FBXO22: variants seen among roughly 807,000 people sequenced by gnomAD.
FBXO22 encodes F-box protein 22, also known as F-box only protein 22.
FBXO22 carries 13 observed loss-of-function variants against 37.2 expected under a neutral mutation model. The ratio of observed to expected loss-of-function variants is 0.35; its 90% CI spans 0.23 to 0.56. FBXO22 has a LOEUF of 0.56. FBXO22 is among the 20% of genes least tolerant of loss of function. FBXO22 has a pLI of 0.87. For synonymous variants in FBXO22, 189 were observed against 189.1 expected (o/e 1.00, Z 0.00); for missense variants, 446 against 509.9 (o/e 0.87, Z 1.21).
chr15:75,931,994 G>A (rs1489851430), intron 6 of FBXO22, among the ~76,000 whole-genome samples: 1 of 152,168 alleles, frequency 6.6e-6, no homozygotes, highest in African/African-American at 2.4e-5. Flanking sequence ...CAGGAGGATT[G>A]CTTGAGCCCA....
intron 5 of FBXO22, among the ~76,000 whole-genome samples, chr15:75,928,903 C>T (rs971967327): frequency 6.6e-6 from 1 of 152,150 alleles, no homozygotes. Context: ...TTGCAAGGAA[C>T]TTTCAAAGGC....
At chr15:75,926,438 A>G (rs1002011791) in intron 5 of FBXO22, among the ~76,000 whole-genome samples, 1 of 152,244 alleles carries the variant, frequency 6.6e-6, no homozygotes, top group African/African-American at 2.4e-5. Flanking sequence ...GCCTTGGCTA[A>G]GGTGGGTTTG....
chr15:75,941,245 C>T lies in FBXO22; in HGVS notation c.*8143C>T, dbSNP rs565827672. The T allele has an allele frequency of 2.6e-5, 4 of 151,970 alleles. No homozygotes were observed. Among genetic ancestry groups the T allele is most frequent in the African/African-American group, 7.3e-5 (3 of 41,358 alleles). 9.4% of individuals were successfully genotyped at this position (151,970 alleles called of 1,614,324 possible). A position where few individuals can be genotyped will look rare whatever the true frequency, so the allele number is the denominator to read the frequency against. On this transcript the variant is annotated 3_prime_UTR_variant, in exon 7 of 7. Transcript: ENST00000308275. ...ACCACATTGAGATACCACTTCATAC[C>T]CACTGGGATAGCTCTTATTAAAATT...
intron 5 of FBXO22, among the ~76,000 whole-genome samples, chr15:75,923,461 G>A (rs1284244713): frequency 6.6e-6 from 1 of 152,124 alleles, no homozygotes; most frequent in Non-Finnish European, 1.5e-5. Flanking sequence ...TTGCTATCTT[G>A]TGTCCTAATT....
intron 5 of FBXO22, among the ~76,000 whole-genome samples, chr15:75,927,803 C>T (rs985574323): frequency 3.9e-5 from 6 of 152,160 alleles, no homozygotes; most frequent in South Asian, 2.1e-4. Context: ...TGGTCATTCA[C>T]GCATCTGCAT....
intron 2 of FBXO22, among the ~76,000 whole-genome samples, chr15:75,909,768 G>T (rs1900010350): frequency 9.9e-6 from 1 of 100,980 alleles, no homozygotes; most frequent in Non-Finnish European, 1.9e-5. Flanking sequence ...TTTGGATGGG[G>T]TGATACTTTT....
At position 75,933,287 on chromosome 15, in the gene FBXO22, T is replaced by TAACA. The variant is rs2030132004; in HGVS notation, c.*186_*189dup. The TAACA allele has an allele frequency of 3.5e-6, 2 of 565,082 alleles. No homozygotes were observed. The highest frequency in any genetic ancestry group is 6.1e-6 in the Non-Finnish European group (2 of 325,874). 35.0% of individuals were successfully genotyped at this position (565,082 alleles called of 1,614,324 possible). On this transcript the variant is annotated 3_prime_UTR_variant, in exon 7 of 7. Transcript: ENST00000308275. ...ATTAGATGAAGGACAACTTTGGACATAACACTGACTAGGAGTTGAGAGCTT... is the reference window on the plus strand; with the variant it reads ...ATTAGATGAAGGACAACTTTGGACATAACAAACACTGACTAGGAGTTGAGAGCTT...
intron 2 of FBXO22, 124 bp downstream of exon 2, chr15:75,904,753 G>T: frequency 1.0e-6 from 1 of 986,430 alleles, no homozygotes; most frequent in Non-Finnish European, 1.4e-6. Context: ...AAAAGATTTT[G>T]TAAACATCAG....
intron 5 of FBXO22, among the ~76,000 whole-genome samples, chr15:75,926,648 C>T (rs1419302723): frequency 2.0e-5 from 3 of 152,162 alleles, no homozygotes; most frequent in East Asian, 3.9e-4. Context: ...AGGTTGAGGG[C>T]GTATCCGGGA....
chr15:75,921,874 G>A (rs1194447931), intron 5 of FBXO22, among the ~76,000 whole-genome samples: 3 of 151,508 alleles, frequency 2.0e-5, no homozygotes, highest in African/African-American at 4.9e-5. Flanking sequence ...TCCACATCTC[G>A]TCCCACTGCA....
chr15:75,925,750 T>C (rs971499731), intron 5 of FBXO22, among the ~76,000 whole-genome samples: 5 of 151,050 alleles, frequency 3.3e-5, no homozygotes, highest in African/African-American at 9.7e-5. Flanking sequence ...ACCACTGTGA[T>C]GGGGTTTTGC....
chr15:75,930,763 C>G, intron 6 of FBXO22: 4 of 985,432 alleles, frequency 4.1e-6, no homozygotes, highest in Non-Finnish European at 3.6e-6. Context: ...GCAGGAAAAT[C>G]AGACCCTACC....
chr15:75,919,374 C>T (rs1305787978), intron 5 of FBXO22, among the ~76,000 whole-genome samples: 1 of 152,116 alleles, frequency 6.6e-6, no homozygotes, highest in Non-Finnish European at 1.5e-5. Context: ...AGACTTAGCC[C>T]TTCCACAATG....
intron 2 of FBXO22, among the ~76,000 whole-genome samples, chr15:75,912,459 T>G (rs989444393): frequency 5.3e-5 from 8 of 152,182 alleles, no homozygotes; most frequent in African/African-American, 1.9e-4. Context: ...TTGTTATTGG[T>G]CTATTCAGGG....
At chr15:75,908,223 C>A (rs1376079372) in intron 2 of FBXO22, among the ~76,000 whole-genome samples, 2 of 151,612 alleles carry the variant, frequency 1.3e-5, no homozygotes, top group Non-Finnish European at 2.9e-5. Context: ...GGTTATTCTG[C>A]TGGTTTGTGG....
In FBXO22 at chr15:75,932,795, C is replaced by G; in HGVS notation, c.905C>G (p.Ala302Gly). 1 of 1,614,272 alleles carries G rather than the reference C, an allele frequency of 6.2e-7. No homozygotes were observed. The highest frequency in any genetic ancestry group is 8.5e-7 in the Non-Finnish European group (1 of 1,180,052). ...GAGGACGTCAGTGATGAGAAGACTG[C>G]TGAGGCTGCGATGCAGCGCCTCAAA... is the stretch of plus-strand genomic sequence containing the variant. ...LNEDVSDEKT[A>G]EAAMQRLKAA... is the part of the protein sequence containing the mutation. Residue 302 changes from alanine to glycine, a missense_variant, in exon 7 of 7, where the codon GCT becomes GGT. Transcript: ENST00000308275.
rs564425360 is a variant in FBXO22, at chr15:75,918,836, C to CAA, written c.628+1442_628+1443insAA. On this transcript the variant is annotated intron_variant, in intron 5 of 6. Coordinates refer to ENST00000308275, the MANE Select transcript of FBXO22 (RefSeq NM_147188.3). ...AGAGTTGAATGGCAGGCACCAGGAT[C>CAA]TGGGGTGGTTGGGAGGGGCTTTGGG... Among the ~76,000 whole-genome samples the CAA allele has an allele frequency of 2.0e-5, 3 of 152,204 alleles. No homozygotes were observed. The South Asian group carries it at 6.2e-4, about 32-fold the overall frequency.
rs754124691 is a variant in FBXO22, at chr15:75,904,641, G to A, written c.279+12G>A. 5.6e-6 allele frequency: 9 copies of A among 1,597,718 alleles called. No homozygotes were observed. The South Asian group carries it at 8.9e-5, about 16-fold the overall frequency. ...CAGAGGAGCTTGAGGCAAGTAGCAAGGGGTGTCATGCACAGTCATTTGCAG... is the reference window on the plus strand; with the variant it reads ...CAGAGGAGCTTGAGGCAAGTAGCAAAGGGTGTCATGCACAGTCATTTGCAG... On this transcript the variant is annotated intron_variant, in intron 2 of 6. Coordinates refer to ENST00000308275, the MANE Select transcript of FBXO22 (RefSeq NM_147188.3).
chr15:75,932,735 G>A lies in FBXO22; in HGVS notation c.845G>A (p.Gly282Glu). 1 of 1,614,040 alleles carries A rather than the reference G, an allele frequency of 6.2e-7. No individual in the cohort carries two copies. Among genetic ancestry groups the A allele is most frequent in the South Asian group, 1.1e-5 (1 of 91,048 alleles). Residue 282 changes from glycine to glutamate, a missense_variant, in exon 7 of 7, where the codon GGA (glycine) becomes GAA (glutamate). Gly to Glu is a moderately conservative substitution (Grantham distance 98). Coordinates refer to ENST00000308275, the MANE Select transcript of FBXO22 (RefSeq NM_147188.3). ...ASGVVGLSFSGHRIQSATVLL... is the reference protein window; with the variant it reads ...ASGVVGLSFSEHRIQSATVLL... ...GGTGTGGTTGGACTGTCATTTAGTG[G>A]ACACCGAATCCAGAGTGCCACTGTG... is the stretch of plus-strand genomic sequence containing the variant.
Sources: gnomAD v4.1 joint callset for allele counts (sites outside exome capture counted in the v4.1 genomes callset) on GRCh38, gnomAD v4.1.1 for gene constraint, MANE v1.5 for transcripts, NCBI Gene and HGNC (gene_info 2026-07-23, HGNC 2026-07-21) for gene names.